Variants in DLG2 observed in about 807,000 individuals in gnomAD.
DLG2 encodes discs large MAGUK scaffold protein 2, also known as disks large homolog 2.
Under a neutral mutation model 132.5 loss-of-function variants are expected in DLG2, and 45 were observed. The observed-to-expected ratio is 0.34, with a 90% confidence interval of 0.27 to 0.44. The LOEUF (loss-of-function observed/expected upper bound fraction) is 0.44. Ranked by LOEUF, DLG2 falls within the 20% of genes least tolerant of loss-of-function variation. The pLI, the probability that DLG2 is intolerant of heterozygous loss-of-function variation, is 1.00. For synonymous variants in DLG2, 424 were observed against 419.6 expected, an observed-to-expected ratio of 1.01 and a Z score of -0.13; for missense variants, 1,045 against 1,196.9, an observed-to-expected ratio of 0.87 and a Z score of 1.87.
intron 7 of DLG2, among the ~76,000 whole-genome samples, chr11:84,466,575 C>T (rs1166183203): frequency 6.6e-6 from 1 of 151,194 alleles, no homozygotes; most frequent in Non-Finnish European, 1.5e-5. Context: ...AACAAAATTC[C>T]ACTGAGATAC....
intron 6 of DLG2, among the ~76,000 whole-genome samples, chr11:84,878,130 C>T (rs1193126637): frequency 6.6e-6 from 1 of 152,140 alleles, no homozygotes; most frequent in African/African-American, 2.4e-5. Context: ...CAAATTAGTT[C>T]AGCCATTGTG....
At chr11:83,464,211 A>G (rs1042690712) in intron 26 of DLG2, among the ~76,000 whole-genome samples, 2 of 152,218 alleles carry the variant, frequency 1.3e-5, no homozygotes, top group African/African-American at 2.4e-5. Flanking sequence ...GTGGCACAAT[A>G]TAAAAAGAAC....
intron 6 of DLG2, among the ~76,000 whole-genome samples, chr11:85,073,337 A>G (rs988407454): frequency 4.0e-5 from 6 of 151,866 alleles, no homozygotes; most frequent in Non-Finnish European, 7.4e-5. Flanking sequence ...TGGCACAGAG[A>G]AAGAAGGCTT....
chr11:83,767,210 CT>C (rs1276308498), intron 18 of DLG2, among the ~76,000 whole-genome samples: 5 of 152,002 alleles, frequency 3.3e-5, no homozygotes, highest in Non-Finnish European at 7.4e-5. Flanking sequence ...CTGTAGTGTT[CT>C]TTTTTTAGGA....
At chr11:83,724,189 G>A (rs541333050) in intron 18 of DLG2, among the ~76,000 whole-genome samples, 1 of 152,022 alleles carries the variant, frequency 6.6e-6, no homozygotes, top group Admixed American at 6.6e-5. Context: ...AAAACTGAAC[G>A]CGTAAAATAA....
chr11:85,425,045 C>CAAAAAT (rs57698826), intron 3 of DLG2, among the ~76,000 whole-genome samples: 2 of 151,442 alleles, frequency 1.3e-5, no homozygotes, highest in East Asian at 3.9e-4. Context: ...AACAAAAAAA[C>CAAAAAT]AAACCCACCA....
chr11:84,031,871 T>C (rs563633001), intron 11 of DLG2, among the ~76,000 whole-genome samples: 7 of 152,162 alleles, frequency 4.6e-5, no homozygotes, highest in Admixed American at 2.0e-4. Context: ...ACGTCGTGTG[T>C]CACATTTTTT....
intron 3 of DLG2, among the ~76,000 whole-genome samples, chr11:85,573,120 G>A (rs1205231985): frequency 6.6e-6 from 1 of 152,166 alleles, no homozygotes; most frequent in African/African-American, 2.4e-5. Flanking sequence ...ATGAGTTAAA[G>A]CTTCCTGAAG....
chr11:84,430,162 G>A (rs1477046021), intron 7 of DLG2, among the ~76,000 whole-genome samples: 1 of 152,062 alleles, frequency 6.6e-6, no homozygotes, highest in Admixed American at 6.6e-5. Flanking sequence ...TAATAGCCAG[G>A]CACAGTGGTT....
chr11:83,734,394 TCC>T (rs1392841158), intron 18 of DLG2, among the ~76,000 whole-genome samples: 5 of 145,108 alleles, frequency 3.4e-5, no homozygotes, highest in Admixed American at 1.4e-4. Flanking sequence ...CTTCCTTCCT[TCC>T]TTCCTTCCTT....
At chr11:84,904,088 A>G (rs1371702774) in intron 6 of DLG2, among the ~76,000 whole-genome samples, 1 of 152,130 alleles carries the variant, frequency 6.6e-6, no homozygotes, top group Non-Finnish European at 1.5e-5. Flanking sequence ...ACCATAACAA[A>G]AGTACTCAGT....
At chr11:85,431,563 G>T (rs769069110) in intron 3 of DLG2, among the ~76,000 whole-genome samples, 5 of 152,232 alleles carry the variant, frequency 3.3e-5, no homozygotes, top group Non-Finnish European at 4.4e-5. Flanking sequence ...ACTGCTGCCT[G>T]CTGGCTAAGC....
chr11:83,936,377 AGCCCCAACTCTAAC>A (rs1253607855), intron 14 of DLG2, among the ~76,000 whole-genome samples: 1 of 152,174 alleles, frequency 6.6e-6, no homozygotes, highest in African/African-American at 2.4e-5. Flanking sequence ...ACAATATAGC[AGCCCCAACTCTAAC>A]GCCCGATTTG....
chr11:84,036,332 A>G (rs1377212996), intron 11 of DLG2, among the ~76,000 whole-genome samples: 4 of 152,182 alleles, frequency 2.6e-5, no homozygotes, highest in African/African-American at 7.2e-5. Flanking sequence ...TTCCCAGAAT[A>G]GCTGATATCC....
At chr11:85,078,979 T>G (rs747134680) in intron 6 of DLG2, among the ~76,000 whole-genome samples, 2 of 151,756 alleles carry the variant, frequency 1.3e-5, no homozygotes, top group Non-Finnish European at 2.9e-5. Context: ...CCTCAGAACA[T>G]GCACCCAAGG....
chr11:85,383,741 T>C (rs1188279790), intron 3 of DLG2, among the ~76,000 whole-genome samples: 1 of 152,206 alleles, frequency 6.6e-6, no homozygotes, highest in Non-Finnish European at 1.5e-5. Flanking sequence ...TAGAAATTGC[T>C]TCCTTCTGCC....
chr11:85,295,690 C>T (rs185614141), intron 3 of DLG2, among the ~76,000 whole-genome samples: 9 of 152,212 alleles, frequency 5.9e-5, no homozygotes, highest in African/African-American at 1.2e-4. Flanking sequence ...TATTGTCAAA[C>T]GCATGACTAG....
At chr11:84,866,617 C>T (rs1410786973) in intron 6 of DLG2, among the ~76,000 whole-genome samples, 2 of 152,168 alleles carry the variant, frequency 1.3e-5, no homozygotes, top group Non-Finnish European at 2.9e-5. Context: ...CTACACTGTT[C>T]TCATTGGGGT....
chr11:84,214,742 A>G (rs1437656593), intron 8 of DLG2, among the ~76,000 whole-genome samples: 1 of 152,214 alleles, frequency 6.6e-6, no homozygotes, highest in Non-Finnish European at 1.5e-5. Context: ...CCTCTTGTTA[A>G]GCAGATTAAC....
Sources: allele counts gnomAD v4.1 joint callset (sites outside exome capture counted in the v4.1 genomes callset), GRCh38; gene constraint gnomAD v4.1.1; transcripts MANE v1.5; gene names NCBI Gene and HGNC (gene_info 2026-07-23, HGNC 2026-07-21).